CDH4: variants seen among roughly 807,000 people sequenced by gnomAD.
CDH4 encodes the protein cadherin-4.
A neutral mutation model predicts 86.0 loss-of-function variants in CDH4; 33 were observed. The ratio of observed to expected loss-of-function variants is 0.38; its 90% CI spans 0.29 to 0.51. The LOEUF (loss-of-function observed/expected upper bound fraction) is 0.51, where lower values mean the gene tolerates loss of function less well. Among genes scored for constraint, CDH4 ranks in the 20% least tolerant of loss-of-function variants. The probability of loss-of-function intolerance (pLI) is 0.86; values close to 1 mark genes in which losing one functional copy is unlikely to be tolerated. For missense variants in CDH4, 1,114 were observed against 1,307.4 expected (o/e 0.85, Z 2.28); for synonymous variants, 555 against 549.4 (o/e 1.01, Z -0.14).
intron 2 of CDH4, among the ~76,000 whole-genome samples, chr20:61,346,906 C>T (rs1293208032): frequency 2.0e-5 from 3 of 152,138 alleles, no homozygotes; most frequent in African/African-American, 7.2e-5. Flanking sequence ...TGCCCCCCAT[C>T]TGTCCCTCAT....
At chr20:61,714,646 G>A (rs1158804460) in intron 2 of CDH4, among the ~76,000 whole-genome samples, 1 of 152,178 alleles carries the variant, frequency 6.6e-6, no homozygotes, top group African/African-American at 2.4e-5. Context: ...ACTTACAAGT[G>A]AGGACATGGA....
chr20:61,882,136 T>C (rs953680873), intron 7 of CDH4, among the ~76,000 whole-genome samples: 1 of 152,118 alleles, frequency 6.6e-6, no homozygotes, highest in East Asian at 1.9e-4. Context: ...GCCACCTCAT[T>C]TGACCAGACC....
intron 2 of CDH4, among the ~76,000 whole-genome samples, chr20:61,620,671 TTTTAA>T (rs1229290614): frequency 6.6e-6 from 1 of 152,244 alleles, no homozygotes; most frequent in East Asian, 1.9e-4. Context: ...ATTTAAATTA[TTTTAA>T]TTTTAGTTCA....
intron 8 of CDH4, among the ~76,000 whole-genome samples, chr20:61,899,706 T>C (rs376058820): frequency 2.0e-5 from 3 of 152,206 alleles, no homozygotes; most frequent in South Asian, 2.1e-4. Context: ...GGATTACAGG[T>C]GTGAGCCACC....
intron 2 of CDH4, among the ~76,000 whole-genome samples, chr20:61,529,068 G>T (rs957889310): frequency 1.1e-4 from 17 of 152,154 alleles, no homozygotes; most frequent in Admixed American, 6.5e-5. Flanking sequence ...GAGATTTTGG[G>T]TTTCAAATCC....
At position 61,672,893 on chromosome 20, in the gene CDH4, G is replaced by A. The variant is rs185733687; in HGVS notation, c.170-70670G>A. Among the ~76,000 whole-genome samples, 103 of 152,190 alleles carry A rather than the reference G, an allele frequency of 6.8e-4. 1 individual carries two copies. Among genetic ancestry groups the A allele is most frequent in the African/African-American group, 2.4e-3 (99 of 41,522 alleles). On this transcript the variant is annotated intron_variant, in intron 2 of 15. Transcript: ENST00000614565. ...CAGGCCTGAGGGGAGGGGAAGAGGTGGGGAGAGGAGGAGGTCATCCTGAGT... is the reference window on the plus strand; with the variant it reads ...CAGGCCTGAGGGGAGGGGAAGAGGTAGGGAGAGGAGGAGGTCATCCTGAGT...
At position 61,714,021 on chromosome 20, in the gene CDH4, T is replaced by TATTTTATTTTATTTTA. The variant is rs1555828912; in HGVS notation, c.170-29542_170-29541insATTTTATTTTATTTTA. 1.2e-4 allele frequency among the ~76,000 whole-genome samples: 16 copies of TATTTTATTTTATTTTA among 135,976 alleles called. No homozygotes were observed. In the South Asian group the frequency reaches 3.5e-3, roughly 30 times the overall value. 89.2% of individuals were successfully genotyped at this position (135,976 alleles called of 152,430 possible). A position where few individuals can be genotyped will look rare whatever the true frequency, so the allele number is the denominator to read the frequency against. On this transcript the variant is annotated intron_variant, in intron 2 of 15. Transcript: ENST00000614565. ...CTGTCTTAGTCCATTGTCTATTCTTTTTTTATTTTATTTTATTTTATTTTA... is the reference window on the plus strand; with the variant it reads ...CTGTCTTAGTCCATTGTCTATTCTTTATTTTATTTTATTTTATTTTATTTTATTTTATTTTATTTTA...
intron 2 of CDH4, among the ~76,000 whole-genome samples, chr20:61,568,919 T>G (rs2145702567): frequency 6.6e-6 from 1 of 152,252 alleles, no homozygotes; most frequent in Non-Finnish European, 1.5e-5. Context: ...TTCTGCTCAG[T>G]CAAAGGTGCA....
At chr20:61,776,439 C>A (rs1233271672) in intron 4 of CDH4, among the ~76,000 whole-genome samples, 1 of 152,204 alleles carries the variant, frequency 6.6e-6, no homozygotes, top group Non-Finnish European at 1.5e-5. Flanking sequence ...GAAACCACCC[C>A]CAGCATCTCC....
At chr20:61,307,909 T>A (rs1459256143) in intron 2 of CDH4, among the ~76,000 whole-genome samples, 1 of 152,214 alleles carries the variant, frequency 6.6e-6, no homozygotes, top group Non-Finnish European at 1.5e-5. Context: ...CCAGGCTTGA[T>A]TTGTCCAGTG....
chr20:61,658,706 C>T (rs771138092), intron 2 of CDH4, among the ~76,000 whole-genome samples: 1 of 152,110 alleles, frequency 6.6e-6, no homozygotes, highest in Non-Finnish European at 1.5e-5. Context: ...GCAGAGCTGT[C>T]AAAAGCCCAA....
intron 4 of CDH4, among the ~76,000 whole-genome samples, chr20:61,805,469 G>A (rs949248500): frequency 2.0e-5 from 3 of 152,180 alleles, no homozygotes; most frequent in Non-Finnish European, 4.4e-5. Flanking sequence ...CACCTTTCCG[G>A]CCAGGCACAA....
intron 2 of CDH4, among the ~76,000 whole-genome samples, chr20:61,590,689 C>A (rs2086511949): frequency 6.6e-6 from 1 of 151,988 alleles, no homozygotes; most frequent in Non-Finnish European, 1.5e-5. Flanking sequence ...GGTTTGGGAG[C>A]CCACGTTTGG....
intron 2 of CDH4, among the ~76,000 whole-genome samples, chr20:61,482,940 C>G (rs903307848): frequency 1.3e-5 from 2 of 152,212 alleles, no homozygotes; most frequent in Admixed American, 1.3e-4. Flanking sequence ...AGGCACAGGA[C>G]TTAGCCAGGT....
At chr20:61,287,387 A>G (rs1427682830) in intron 2 of CDH4, among the ~76,000 whole-genome samples, 2 of 152,060 alleles carry the variant, frequency 1.3e-5, no homozygotes, top group Non-Finnish European at 2.9e-5. Flanking sequence ...AGGTGGCAGG[A>G]TCACTTCAGC....
intron 3 of CDH4, among the ~76,000 whole-genome samples, chr20:61,750,761 C>A (rs2088482417): frequency 6.6e-6 from 1 of 152,180 alleles, no homozygotes; most frequent in East Asian, 1.9e-4. Flanking sequence ...AGAACCTGTA[C>A]TAAGTTACTG....
chr20:61,731,283 G>A (rs746050942), intron 2 of CDH4, among the ~76,000 whole-genome samples: 7 of 151,982 alleles, frequency 4.6e-5, no homozygotes, highest in East Asian at 1.9e-4. Context: ...CTCACCCCTC[G>A]GCCCCCCGGC....
chr20:61,533,550 G>A (rs1055739129), intron 2 of CDH4, among the ~76,000 whole-genome samples: 1 of 152,258 alleles, frequency 6.6e-6, no homozygotes, highest in Non-Finnish European at 1.5e-5. Flanking sequence ...CCCTGGCCGG[G>A]GCTGCTGGAG....
intron 2 of CDH4, among the ~76,000 whole-genome samples, chr20:61,503,756 T>C (rs2085720889): frequency 6.6e-6 from 1 of 152,250 alleles, no homozygotes; most frequent in Non-Finnish European, 1.5e-5. Context: ...ACTAATGATA[T>C]AAATTACATA....
Sources: gnomAD v4.1 joint callset for allele counts (sites outside exome capture counted in the v4.1 genomes callset) on GRCh38, gnomAD v4.1.1 for gene constraint, MANE v1.5 for transcripts, NCBI Gene and HGNC (gene_info 2026-07-23, HGNC 2026-07-21) for gene names.